The following DSN1 variants were observed in gnomAD, a reference collection of about 807,000 sequenced individuals.
DSN1 encodes the protein kinetochore-associated protein DSN1 homolog.
Under a neutral mutation model 45.7 loss-of-function variants are expected in DSN1, and 31 were observed. The observed-to-expected ratio is 0.68, with a 90% confidence interval of 0.51 to 0.92. The LOEUF is 0.92. Ranked by LOEUF, DSN1 falls within the 40% of genes least tolerant of loss-of-function variation. The pLI, the probability that DSN1 is intolerant of heterozygous loss-of-function variation, is 0.00. For missense variants in DSN1, 394 were observed against 414.2 expected (o/e 0.95, Z 0.42); for synonymous variants, 134 against 142.3 (o/e 0.94, Z 0.41).
Position 36,771,561 on chromosome 20 carries a change from G to C in DSN1, c.-15-88C>G. On this transcript the variant is annotated intron_variant, in intron 1 of 10. Coordinates refer to ENST00000373750, the MANE Select transcript of DSN1 (RefSeq NM_001145315.2). ...TACAGCCCCAGAATAAATAGGCCGT[G>C]TGCTTTCCAGCCTCTCTGAGCTACC... is the stretch of plus-strand genomic sequence containing the variant. 3 of 1,264,816 alleles carry C rather than the reference G, an allele frequency of 2.4e-6. No homozygotes were observed. The South Asian group carries it at 3.9e-5, about 16-fold the overall frequency. The allele number at this position is 1,264,816 out of a possible 1,614,324, so 78.3% of individuals were successfully genotyped here.
At chr20:36,756,154 G>A (rs892777587) in intron 8 of DSN1, among the ~76,000 whole-genome samples, 7 of 151,956 alleles carry the variant, frequency 4.6e-5, no homozygotes, top group Non-Finnish European at 1.0e-4. Flanking sequence ...CTAATTTTTT[G>A]TATTTTTAGT....
chr20:36,770,988 C>T lies in DSN1; in HGVS notation c.240G>A (p.Leu80=), dbSNP rs781288097. The T allele has an allele frequency of 3.1e-6, 5 of 1,614,190 alleles. No homozygotes were observed. In the Admixed American group the frequency reaches 5.0e-5, roughly 16 times the overall value. Residue 80 remains leucine (L), a synonymous_variant, in exon 3 of 11, where the codon TTG becomes TTA. Transcript: ENST00000373750. ...AACTGGCAGATTGTTCTTGAGGAGA[C>T]AAATGAAGGGACTTCGACTGAAGTC... ...QERLQSKSLH[L]SPQEQSASYQ...
intron 5 of DSN1, among the ~76,000 whole-genome samples, chr20:36,764,298 G>A (rs1271988821): frequency 2.0e-5 from 3 of 152,090 alleles, no homozygotes; most frequent in Non-Finnish European, 4.4e-5. Context: ...CTACATTCAG[G>A]TGAAGAACAC....
At chr20:36,759,069 G>C (rs1398687030) in intron 6 of DSN1, among the ~76,000 whole-genome samples, 2 of 152,054 alleles carry the variant, frequency 1.3e-5, no homozygotes, top group Non-Finnish European at 2.9e-5. Flanking sequence ...TGCAACCTCT[G>C]CCTCCCGGGT....
rs1037506608 is a variant in DSN1 at position 36,765,345 on chromosome 20, C to T, written c.502+1424G>A. 4.0e-5 allele frequency among the ~76,000 whole-genome samples: 6 copies of T among 148,990 alleles called. No individual in the cohort carries two copies. In the East Asian group the frequency reaches 9.9e-4, roughly 25 times the overall value. ...CCAAGGTGGGCGGATCACCTGAGGT[C>T]GGGAGTTCGAGACCAGCCTGACCAA... On this transcript the variant is annotated intron_variant, in intron 5 of 10. Transcript: ENST00000373750.
chr20:36,765,967 C>T (rs563911624), intron 5 of DSN1, among the ~76,000 whole-genome samples: 2 of 150,844 alleles, frequency 1.3e-5, no homozygotes, highest in African/African-American at 2.4e-5. Flanking sequence ...CCAAGGCGGG[C>T]GGATCACCTA....
Position 36,771,159 on chromosome 20 carries a change from A to T in DSN1, c.69T>A (p.His23Gln). The T allele has an allele frequency of 6.2e-7, 1 of 1,613,608 alleles. No individual in the cohort carries two copies. Among genetic ancestry groups the T allele is most frequent in the Non-Finnish European group, 8.5e-7 (1 of 1,179,710 alleles). Residue 23 changes from histidine to glutamine, a missense_variant, in exon 3 of 11, where the codon CAT becomes CAA. By Grantham distance (24) the His-to-Gln change is conservative. Coordinates refer to ENST00000373750, the MANE Select transcript of DSN1 (RefSeq NM_001145315.2). The stretch of plus-strand genomic sequence containing the variant: ...CAGGACTGAGACTTGATTCCAATTG[A>T]TGATCATGAGTCTTAGACATCACTG... The part of the protein sequence containing the change: ...KGPVMSKTHD[H>Q]QLESSLSPVE...
intron 3 of DSN1, among the ~76,000 whole-genome samples, chr20:36,768,360 T>C (rs960296711): frequency 1.3e-5 from 2 of 152,132 alleles, no homozygotes; most frequent in East Asian, 1.9e-4. Flanking sequence ...CTGGACAACA[T>C]GGTGAAATCC....
chr20:36,764,207 C>T (rs573280765), intron 5 of DSN1, among the ~76,000 whole-genome samples: 81 of 149,600 alleles, frequency 5.4e-4, no homozygotes, highest in African/African-American at 2.0e-3. Context: ...GGCAACAGAG[C>T]GAGATCCTGT....
chr20:36,763,869 G>C (rs1241289176), intron 5 of DSN1, among the ~76,000 whole-genome samples: 2 of 96,846 alleles, frequency 2.1e-5, no homozygotes, highest in Non-Finnish European at 3.8e-5. Flanking sequence ...CCTGGCAACA[G>C]AGCAAAACTC....
chr20:36,771,442 C>G lies in DSN1; in HGVS notation c.17G>C (p.Arg6Thr). 1 of 1,613,858 alleles carries G rather than the reference C, an allele frequency of 6.2e-7. No homozygotes were observed. Among genetic ancestry groups the G allele is most frequent in the Non-Finnish European group, 8.5e-7 (1 of 1,179,802 alleles). Residue 6 changes from arginine to threonine, a missense_variant, in exon 2 of 11, where the codon AGA becomes ACA. Transcript: ENST00000373750. MTSVT[R>T]SEIIDEKGPV... ...ATACTTACCATCTATGATCTCTGAT[C>G]TAGTCACTGAAGTCATCCTAGGTGG... is the stretch of plus-strand genomic sequence containing the variant.
At chr20:36,754,981 T>C in intron 9 of DSN1, 131 bp from the exon 10 acceptor site, 1 of 710,970 alleles carries the variant, frequency 1.4e-6, no homozygotes, top group Admixed American at 2.5e-5. Flanking sequence ...TTATGCCAGA[T>C]AATTCTGTTT....
chr20:36,752,724 C>T lies in DSN1; in HGVS notation c.*64G>A, dbSNP rs1464306768. ...ACGAGCAGAAATCACGCAGTCACCA[C>T]GTGCTGGGGCACTCTTCCCATTCCT... is the stretch of plus-strand genomic sequence containing the variant. On this transcript the variant is annotated 3_prime_UTR_variant, in exon 11 of 11. Coordinates refer to ENST00000373750, the MANE Select transcript of DSN1 (RefSeq NM_001145315.2). The T allele has an allele frequency of 1.0e-5, 14 of 1,343,966 alleles. No individual in the cohort carries two copies. The Admixed American group carries it at 1.2e-4, about 12-fold the overall frequency. The allele number at this position is 1,343,966 out of a possible 1,614,324, so 83.3% of individuals were successfully genotyped here.
At position 36,754,764 on chromosome 20, in the gene DSN1, G is replaced by T; in HGVS notation, c.960C>A (p.Leu320=). ...GGTCCCCTCAAGAGACAAGCTTACC[G>T]AGCTGTACTGACACCTTCTGGAAGC... ...TQCFQKVSVQ[L]GKRSMQQLDP... is the part of the protein sequence containing the mutation. The change falls in exon 10 of 11, where the codon CTC becomes CTA. Residue 320 remains leucine, a splice_region_variant and synonymous_variant. Coordinates refer to ENST00000373750, the MANE Select transcript of DSN1 (RefSeq NM_001145315.2). 1.9e-6 allele frequency: 3 copies of T among 1,613,514 alleles called. No individual in the cohort carries two copies. The highest frequency in any genetic ancestry group is 2.5e-6 in the Non-Finnish European group (3 of 1,179,614).
At chr20:36,761,385 A>G (rs1408957524) in intron 6 of DSN1, among the ~76,000 whole-genome samples, 1 of 152,206 alleles carries the variant, frequency 6.6e-6, no homozygotes, top group Non-Finnish European at 1.5e-5. Context: ...ATGACAAAAG[A>G]GACCTTGCTT....
chr20:36,773,509 A>AC (rs1324242772), intron 1 of DSN1, 153 bp downstream of exon 1: 1 of 985,422 alleles, frequency 1.0e-6, no homozygotes. Context: ...GCCCTCGGGG[A>AC]CCCCCAGTGT....
intron 8 of DSN1, 58 bp from the exon 9 acceptor site, chr20:36,755,887 A>C: frequency 6.4e-7 from 1 of 1,568,650 alleles, no homozygotes. Flanking sequence ...TGGAAGAGAT[A>C]CCAAAGATTA....
At chr20:36,766,946 A>G in intron 4 of DSN1, 105 bp from the exon 5 acceptor site, 1 of 694,262 alleles carries the variant, frequency 1.4e-6, no homozygotes, top group African/African-American at 1.9e-5. Context: ...TAAATACTAA[A>G]TATGATGTAA....
chr20:36,759,718 C>T (rs1219041238), intron 6 of DSN1, among the ~76,000 whole-genome samples: 2 of 151,616 alleles, frequency 1.3e-5, no homozygotes, highest in African/African-American at 4.8e-5. Context: ...CTCCTGACCT[C>T]GTGATCCGCC....
Sources: allele counts gnomAD v4.1 joint callset (sites outside exome capture counted in the v4.1 genomes callset), GRCh38; gene constraint gnomAD v4.1.1; transcripts MANE v1.5; gene names NCBI Gene and HGNC (gene_info 2026-07-23, HGNC 2026-07-21).